MMP8: variants seen among roughly 807,000 people sequenced by gnomAD.
The protein encoded by MMP8 is neutrophil collagenase.
A neutral mutation model predicts 51.2 loss-of-function variants in MMP8; 67 were observed. That is an observed-to-expected ratio of 1.31 (90% CI 1.08 to 1.60). The LOEUF (loss-of-function observed/expected upper bound fraction) is 1.60, where lower values mean the gene tolerates loss of function less well. MMP8 is among the 40% of genes most tolerant of loss of function. The probability of loss-of-function intolerance (pLI) is 0.00; values close to 1 mark genes in which losing one functional copy is unlikely to be tolerated. For missense variants in MMP8, 654 were observed against 558.1 expected (o/e 1.17, Z -1.73); for synonymous variants, 225 against 191.0 (o/e 1.18, Z -1.47).
chr11:102,721,664 G>C lies in MMP8; in HGVS notation c.446C>G (p.Thr149Ser). The C allele has an allele frequency of 6.2e-7, 1 of 1,613,860 alleles. No individual in the cohort carries two copies. Among genetic ancestry groups the C allele is most frequent in the Middle Eastern group, 1.7e-4 (1 of 6,060 alleles). ...ATCTGCCTCTCCCTGTGAGATCCTG[G>C]TGAAGATGAGAGGTGATGCAACACT... ...LWSVASPLIFTRISQGEADIN... is the reference protein window; with the variant it reads ...LWSVASPLIFSRISQGEADIN... Residue 149 changes from threonine to serine, a missense_variant, in exon 3 of 10, where the codon ACC becomes AGC. Thr to Ser is a moderately conservative substitution (Grantham distance 58, BLOSUM62 1). Transcript: ENST00000236826.
At position 102,721,451 on chromosome 11, in the gene MMP8, C is replaced by T. The variant is rs774328850; in HGVS notation, c.572G>A (p.Gly191Glu). The T allele has an allele frequency of 2.5e-6, 4 of 1,613,828 alleles. No individual in the cohort carries two copies. The highest frequency in any genetic ancestry group is 2.2e-5 in the South Asian group (2 of 91,086). The change falls in exon 4 of 10, where the codon GGA (glycine) becomes GAA (glutamate). Residue 191 changes from glycine to glutamate, a missense_variant. By Grantham distance (98) the Gly-to-Glu change is moderately conservative. Coordinates refer to ENST00000236826, the MANE Select transcript of MMP8 (RefSeq NM_002424.3). ...TTCGGCATCAAAATGAGCATCTCCT[C>T]CAATACCTTGGCCTGGCTGAAAGGC... ...AHAFQPGQGI[G>E]GDAHFDAEET...
chr11:102,714,029 A>G (rs761013522), intron 8 of MMP8, among the ~76,000 whole-genome samples, 172 bp from the exon 9 acceptor site: 11 of 152,238 alleles, frequency 7.2e-5, no homozygotes, highest in Non-Finnish European at 4.4e-5. Context: ...CTAAGGGTAC[A>G]CATTTATAAA....
chr11:102,716,432 A>AG lies in MMP8; in HGVS notation c.785-14_785-13insC. 7.0e-7 allele frequency: 1 copy of AG among 1,427,406 alleles called. No homozygotes were observed. The highest frequency in any genetic ancestry group is 1.3e-5 in the South Asian group (1 of 79,050). The allele number at this position is 1,427,406 out of a possible 1,614,324, so 88.4% of individuals were successfully genotyped here. On this transcript the variant is annotated splice_polypyrimidine_tract_variant and intron_variant, in intron 5 of 9. Coordinates refer to ENST00000236826, the MANE Select transcript of MMP8 (RefSeq NM_002424.3). Reference sequence around the variant, plus strand: ...TTGCTTGAAAGTCCTGGAAAAAAAAAAAAAAAAAAAAAAAAGGTCTTTCTT... The same window carrying AG: ...TTGCTTGAAAGTCCTGGAAAAAAAAAGAAAAAAAAAAAAAAAGGTCTTTCTT...
In MMP8 at chr11:102,721,660, C is replaced by A. The variant is rs35010974; in HGVS notation, c.450G>T (p.Arg150Ser). 6.2e-7 allele frequency: 1 copy of A among 1,613,862 alleles called. No individual in the cohort carries two copies. Among genetic ancestry groups the A allele is most frequent in the Non-Finnish European group, 8.5e-7 (1 of 1,179,864 alleles). Residue 150 changes from arginine to serine, a missense_variant, in exon 3 of 10, where the codon AGG becomes AGT. By Grantham distance (110) the Arg-to-Ser change is moderately radical. Transcript: ENST00000236826. The part of the protein sequence containing the change: ...WSVASPLIFT[R>S]ISQGEADINI... ...TGATATCTGCCTCTCCCTGTGAGAT[C>A]CTGGTGAAGATGAGAGGTGATGCAA...
chr11:102,713,605 C>T lies in MMP8; in HGVS notation c.1295-148G>A. On this transcript the variant is annotated intron_variant, in intron 9 of 9. Transcript: ENST00000236826. ...TAAACACCAGGTGCGGTGGCTAATG[C>T]CTGTAATCCCAGAACTCTGGGAGGC... 4.1e-6 allele frequency: 4 copies of T among 978,980 alleles called. No homozygotes were observed. In the South Asian group the frequency reaches 4.9e-5, roughly 12 times the overall value. The allele number at this position is 978,980 out of a possible 1,614,324, so 60.6% of individuals were successfully genotyped here. A position where few individuals can be genotyped will look rare whatever the true frequency, so the allele number is the denominator to read the frequency against.
At chr11:102,722,369 A>G in intron 2 of MMP8, 60 bp downstream of exon 2, 1 of 1,559,764 alleles carries the variant, frequency 6.4e-7, no homozygotes, top group South Asian at 1.2e-5. Context: ...AGTGTCTGTC[A>G]TATAAGAGCC....
At chr11:102,714,843 A>G (rs867566320) in intron 7 of MMP8, 134 bp from the exon 8 acceptor site, 11 of 252,000 alleles carry the variant, frequency 4.4e-5, no homozygotes, top group Middle Eastern at 1.5e-3. Flanking sequence ...TGAAAATGGA[A>G]CAAATAGTCT....
intron 4 of MMP8, 58 bp from the exon 5 acceptor site, chr11:102,718,633 A>T: frequency 6.2e-7 from 1 of 1,602,048 alleles, no homozygotes; most frequent in Non-Finnish European, 8.5e-7. Flanking sequence ...TGGCAGAAAC[A>T]TGATCTCAAG....
At chr11:102,717,700 C>T (rs761705078) in intron 5 of MMP8, among the ~76,000 whole-genome samples, 2 of 152,180 alleles carry the variant, frequency 1.3e-5, no homozygotes, top group Non-Finnish European at 2.9e-5. Context: ...CAGTGAACAT[C>T]TTTGGCATGA....
intron 1 of MMP8, among the ~76,000 whole-genome samples, chr11:102,724,162 C>G (rs1313949643): frequency 1.3e-5 from 2 of 152,046 alleles, no homozygotes. Context: ...GACAGAATTC[C>G]CTTGTGTTTC....
chr11:102,714,891 C>T (rs748052726), intron 7 of MMP8, among the ~76,000 whole-genome samples, 182 bp from the exon 8 acceptor site: 1 of 149,768 alleles, frequency 6.7e-6, no homozygotes, highest in Non-Finnish European at 1.5e-5. Context: ...TTCAGGGGGG[C>T]TGTGAGAGCC....
rs370172933 is a variant in MMP8, at chr11:102,724,798, C to T, written c.58G>A (p.Ala20Thr). The change falls in exon 1 of 10, where the codon GCC becomes ACC. Residue 20 changes from alanine (A) to threonine (T), a missense_variant. Ala to Thr is a moderately conservative substitution (Grantham distance 58, BLOSUM62 0). Coordinates refer to ENST00000236826, the MANE Select transcript of MMP8 (RefSeq NM_002424.3). Reference protein sequence around the residue: ...LLLLHVQISKAFPVSSKEKNT... With the variant: ...LLLLHVQISKTFPVSSKEKNT... ...TTCTCTTTAGAAGATACAGGAAAGG[C>T]CTTGGAAATCTGCACATGGAGTAAG... is the stretch of plus-strand genomic sequence containing the variant. 5 of 1,607,990 alleles carry T rather than the reference C, an allele frequency of 3.1e-6. No individual in the cohort carries two copies. Among genetic ancestry groups the T allele is most frequent in the Middle Eastern group, 1.7e-4 (1 of 6,038 alleles).
chr11:102,718,403 G>A lies in MMP8; in HGVS notation c.784+11C>T, dbSNP rs1335992866. On this transcript the variant is annotated intron_variant, in intron 5 of 9. Transcript: ENST00000236826. ...CTACCATGTACTATGACTCTCTTGA[G>A]AAGACCTTACCATAGATGGCCTGAA... The A allele has an allele frequency of 6.2e-7, 1 of 1,605,592 alleles. No individual in the cohort carries two copies. Among genetic ancestry groups the A allele is most frequent in the Non-Finnish European group, 8.5e-7 (1 of 1,175,626 alleles).
At position 102,716,679 on chromosome 11, in the gene MMP8, C is replaced by T. The variant is rs542501554; in HGVS notation, c.785-260G>A. Among the ~76,000 whole-genome samples the T allele has an allele frequency of 1.4e-3, 210 of 152,208 alleles. 1 individual carries two copies. Among genetic ancestry groups the T allele is most frequent in the Non-Finnish European group, 2.4e-3 (166 of 68,014 alleles). On this transcript the variant is annotated intron_variant, in intron 5 of 9. Transcript: ENST00000236826. The stretch of plus-strand genomic sequence containing the variant: ...AGTAAAGAAATTTGAATTCTATGCT[C>T]CTTCCTTCCCTTTTAAATTCTAAAC...
chr11:102,722,659 C>T lies in MMP8; in HGVS notation c.117G>A (p.Lys39=). 1 of 1,613,746 alleles carries T rather than the reference C, an allele frequency of 6.2e-7. No individual in the cohort carries two copies. The highest frequency in any genetic ancestry group is 8.5e-7 in the Non-Finnish European group (1 of 1,179,722). The change falls in exon 2 of 10, where the codon AAG becomes AAA. Residue 39 remains lysine (K), a synonymous_variant. Transcript: ENST00000236826. ...ACTGGTTGCTTGGTAATTGGTAGAA[C>T]TTTTCCAGGTAGTCCTGGACAAAGA... ...NTKTVQDYLE[K]FYQLPSNQYQ... is the part of the protein sequence containing the mutation.
At chr11:102,718,257 C>A (rs1203793440) in intron 5 of MMP8, among the ~76,000 whole-genome samples, 157 bp downstream of exon 5, 1 of 152,154 alleles carries the variant, frequency 6.6e-6, no homozygotes, top group East Asian at 1.9e-4. Context: ...GGCTCAGTCC[C>A]TCACACCTTC....
chr11:102,714,268 G>C (rs546022634), intron 8 of MMP8, among the ~76,000 whole-genome samples: 1 of 152,328 alleles, frequency 6.6e-6, no homozygotes, highest in South Asian at 2.1e-4. Context: ...TCATAAGTGA[G>C]AATTAGCTTA....
intron 9 of MMP8, 96 bp downstream of exon 9, chr11:102,713,658 G>C: frequency 1.7e-6 from 2 of 1,151,646 alleles, no homozygotes; most frequent in South Asian, 3.0e-5. Flanking sequence ...TTGAGGCCAG[G>C]AGTTTGACAC....
chr11:102,714,427 G>T, intron 8 of MMP8, 129 bp downstream of exon 8: 1 of 556,748 alleles, frequency 1.8e-6, no homozygotes, highest in Non-Finnish European at 2.7e-6. Flanking sequence ...CTGTAAAAAA[G>T]AATATATTCT....
Sources: allele counts gnomAD v4.1 joint callset (sites outside exome capture counted in the v4.1 genomes callset), GRCh38; gene constraint gnomAD v4.1.1; transcripts MANE v1.5; gene names NCBI Gene and HGNC (gene_info 2026-07-23, HGNC 2026-07-21).